Variants in PRKCE observed in about 807,000 individuals in gnomAD.
PRKCE encodes the protein protein kinase C epsilon.
PRKCE carries 16 observed loss-of-function variants against 85.4 expected under a neutral mutation model. The observed-to-expected ratio is 0.19, with a 90% CI of 0.13 to 0.28. The LOEUF (loss-of-function observed/expected upper bound fraction) is 0.28. Ranked by LOEUF, PRKCE falls within the 10% of genes least tolerant of loss-of-function variation. The pLI, the probability that PRKCE is intolerant of heterozygous loss-of-function variation, is 1.00. For missense variants in PRKCE, 573 were observed against 975.2 expected, an observed-to-expected ratio of 0.59 and a Z score of 5.49; for synonymous variants, 388 against 371.5, an observed-to-expected ratio of 1.04 and a Z score of -0.51.
chr2:45,919,805 T>A (rs550618926), intron 2 of PRKCE, among the ~76,000 whole-genome samples: 1 of 152,270 alleles, frequency 6.6e-6, no homozygotes, highest in Non-Finnish European at 1.5e-5. Flanking sequence ...TTCTGCTGAG[T>A]GAAAGCAGAA....
intron 2 of PRKCE, among the ~76,000 whole-genome samples, 175 bp from the exon 3 acceptor site, chr2:45,976,254 A>T (rs1022698288): frequency 2.0e-5 from 3 of 151,926 alleles, no homozygotes; most frequent in African/African-American, 7.3e-5. Context: ...GTGCTCGCTC[A>T]CTCCAGCTGC....
intron 10 of PRKCE, among the ~76,000 whole-genome samples, chr2:46,029,755 A>G (rs1177960154): frequency 6.6e-6 from 1 of 151,800 alleles, no homozygotes; most frequent in Non-Finnish European, 1.5e-5. Context: ...GTAAACAACT[A>G]CATCATCCTG....
intron 10 of PRKCE, among the ~76,000 whole-genome samples, chr2:46,075,609 C>T (rs1328907995): frequency 6.6e-6 from 1 of 151,946 alleles, no homozygotes; most frequent in Non-Finnish European, 1.5e-5. Flanking sequence ...ATTAGGCAGG[C>T]ATGGTCGCAT....
intron 10 of PRKCE, among the ~76,000 whole-genome samples, chr2:46,080,691 T>C (rs1668988210): frequency 6.6e-6 from 1 of 152,224 alleles, no homozygotes; most frequent in Non-Finnish European, 1.5e-5. Context: ...TTTGAGCACC[T>C]CCTCAGGTAT....
chr2:45,928,314 C>G (rs1340618257), intron 2 of PRKCE, among the ~76,000 whole-genome samples: 2 of 152,248 alleles, frequency 1.3e-5, no homozygotes, highest in Non-Finnish European at 2.9e-5. Context: ...GTTCCCCAGG[C>G]TGGAGTGCAG....
At position 45,724,835 on chromosome 2, in the gene PRKCE, A is replaced by G. The variant is rs183503237; in HGVS notation, c.348+72387A>G. ...AGCTGCAGAAGAAAAATTGTAAGCT[A>G]GCAGAGGCTAGTTTATGACGTTTAA... is the stretch of plus-strand genomic sequence containing the variant. On this transcript the variant is annotated intron_variant, in intron 1 of 14. Transcript: ENST00000306156. Among the ~76,000 whole-genome samples, 6 of 152,344 alleles carry G rather than the reference A, an allele frequency of 3.9e-5. No homozygotes were observed. In the East Asian group the frequency reaches 1.2e-3, roughly 29 times the overall value.
chr2:46,054,256 T>C (rs1574343600), intron 10 of PRKCE, among the ~76,000 whole-genome samples: 1 of 152,236 alleles, frequency 6.6e-6, no homozygotes, highest in African/African-American at 2.4e-5. Context: ...CACTTGCAGC[T>C]AGTGAGATGG....
Position 46,004,493 on chromosome 2 carries a change from C to T in PRKCE, c.967-49C>T. The T allele has an allele frequency of 1.4e-6, 2 of 1,456,782 alleles. No homozygotes were observed. The highest frequency in any genetic ancestry group is 1.9e-6 in the Non-Finnish European group (2 of 1,072,442). The allele number at this position is 1,456,782 out of a possible 1,614,324, so 90.2% of individuals were successfully genotyped here. A position where few individuals can be genotyped will look rare whatever the true frequency, so the allele number is the denominator to read the frequency against. On this transcript the variant is annotated intron_variant, in intron 7 of 14. Transcript: ENST00000306156. The surrounding 1 kb of genome is among the most constrained non-coding windows in gnomAD (Gnocchi z 4.1). ...TTGATGCTTTTGACATCAGAAAACT[C>T]TCAACCCTCCCTTCTGATGCCTCTG...
At chr2:46,132,584 C>T (rs1028084593) in intron 11 of PRKCE, among the ~76,000 whole-genome samples, 4 of 152,124 alleles carry the variant, frequency 2.6e-5, no homozygotes, top group Admixed American at 1.3e-4. Flanking sequence ...TCTTCTTAAC[C>T]GGCCTCATTC....
At chr2:45,840,213 G>C (rs1691234416) in intron 1 of PRKCE, among the ~76,000 whole-genome samples, 1 of 152,170 alleles carries the variant, frequency 6.6e-6, no homozygotes, top group East Asian at 1.9e-4. Flanking sequence ...TTTGCCGGCA[G>C]GGTTTAATAG....
At chr2:45,785,411 G>A (rs7605749) in intron 1 of PRKCE, among the ~76,000 whole-genome samples, 27,186 of 151,710 alleles carry the variant, frequency 0.18, 5,805 homozygotes, top group African/African-American at 0.52. Flanking sequence ...GAATTGCTTG[G>A]ACCTGGGAGG....
intron 2 of PRKCE, among the ~76,000 whole-genome samples, chr2:45,918,328 G>C (rs953035536): frequency 4.6e-5 from 7 of 152,210 alleles, no homozygotes; most frequent in African/African-American, 1.4e-4. Flanking sequence ...TGTAATGTAG[G>C]CTTTAGCTTT....
intron 11 of PRKCE, among the ~76,000 whole-genome samples, chr2:46,126,723 T>C (rs1421772387): frequency 2.6e-5 from 4 of 152,144 alleles, no homozygotes; most frequent in Non-Finnish European, 1.5e-5. Flanking sequence ...TGGTAAGGGA[T>C]TGACAACTGT....
At chr2:45,991,013 T>TC (rs1409974709) in intron 6 of PRKCE, among the ~76,000 whole-genome samples, 4 of 149,712 alleles carry the variant, frequency 2.7e-5, no homozygotes, top group Non-Finnish European at 4.5e-5. Flanking sequence ...CTTTCTTTCT[T>TC]CTTTTTTTTT....
intron 2 of PRKCE, among the ~76,000 whole-genome samples, chr2:45,869,405 C>T (rs1047009763): frequency 6.6e-6 from 1 of 152,198 alleles, no homozygotes; most frequent in African/African-American, 2.4e-5. Context: ...AGTAATCGCT[C>T]ATAACAATGA....
chr2:45,983,161 T>A (rs1057122642), intron 5 of PRKCE, among the ~76,000 whole-genome samples: 3 of 152,178 alleles, frequency 2.0e-5, no homozygotes, highest in African/African-American at 7.2e-5. Flanking sequence ...TCAGTAGGGA[T>A]CAGTGAAATC....
chr2:46,024,582 C>A (rs1057080359), intron 10 of PRKCE, among the ~76,000 whole-genome samples: 21 of 152,156 alleles, frequency 1.4e-4, no homozygotes, highest in Admixed American at 1.0e-3. Context: ...AGCTTATTAC[C>A]TGGCTCTGGC....
At chr2:45,859,899 A>G (rs1477877287) in intron 2 of PRKCE, among the ~76,000 whole-genome samples, 1 of 152,184 alleles carries the variant, frequency 6.6e-6, no homozygotes, top group East Asian at 1.9e-4. Flanking sequence ...TGTGCATGAA[A>G]GCTCATTTTG....
chr2:45,801,715 G>A lies in PRKCE; in HGVS notation c.349-41285G>A, dbSNP rs77140125. ...GCAGAGCCAGGGTGGGAGACTGTGG[G>A]AAAGGAAATGCAGCCCCAGAAAGGA... On this transcript the variant is annotated intron_variant, in intron 1 of 14. Transcript: ENST00000306156. Among the ~76,000 whole-genome samples the A allele has an allele frequency of 1.4e-4, 21 of 152,288 alleles. No homozygotes were observed. The East Asian group carries it at 4.0e-3, about 29-fold the overall frequency.
Sources: gnomAD v4.1 joint callset for allele counts (sites outside exome capture counted in the v4.1 genomes callset) on GRCh38, gnomAD v4.1.1 for gene constraint, Gnocchi (gnomAD v3.1) non-coding constraint, MANE v1.5 for transcripts, NCBI Gene and HGNC (gene_info 2026-07-23, HGNC 2026-07-21) for gene names.